The following KIAA0513 variants were observed in gnomAD, a reference collection of about 807,000 sequenced individuals.
The protein encoded by KIAA0513 is uncharacterized protein KIAA0513.
A neutral mutation model predicts 56.5 loss-of-function variants in KIAA0513; 39 were observed. That is an observed-to-expected ratio of 0.69 (90% CI 0.53 to 0.90). The LOEUF (loss-of-function observed/expected upper bound fraction) is 0.90, where lower values mean the gene tolerates loss of function less well. Ranked by LOEUF, KIAA0513 falls within the 40% of genes least tolerant of loss-of-function variation. The pLI, the probability that KIAA0513 is intolerant of heterozygous loss-of-function variation, is 0.00. For synonymous variants in KIAA0513, 268 were observed against 215.6 expected, an observed-to-expected ratio of 1.24 and a Z score of -2.13; for missense variants, 591 against 535.2, an observed-to-expected ratio of 1.10 and a Z score of -1.03.
chr16:85,067,261 C>G lies in KIAA0513; in HGVS notation c.190C>G (p.Pro64Ala). ...ENDMGESPSH[P>A]SWDQDRRSSS... ...TGACATGGGCGAGTCGCCCTCGCAC[C>G]CGTCCTGGGACCAAGACCGCCGTTC... The change falls in exon 2 of 13, where the codon CCG becomes GCG. Residue 64 changes from proline (P) to alanine (A), a missense_variant. Physicochemically the swap from Pro to Ala is conservative, Grantham distance 27. Coordinates refer to ENST00000683363, the MANE Select transcript of KIAA0513 (RefSeq NM_001388359.1). 1 of 1,614,060 alleles carries G rather than the reference C, an allele frequency of 6.2e-7. No individual in the cohort carries two copies. Among genetic ancestry groups the G allele is most frequent in the South Asian group, 1.1e-5 (1 of 91,084 alleles).
chr16:85,042,554 C>T (rs554802322), intron 1 of KIAA0513, among the ~76,000 whole-genome samples: 1 of 152,094 alleles, frequency 6.6e-6, no homozygotes, highest in Admixed American at 6.5e-5. Context: ...CCCTTTTAAG[C>T]CTTAAAGTTT....
At chr16:85,075,436 C>A (rs1486745700) in intron 4 of KIAA0513, among the ~76,000 whole-genome samples, 1 of 152,196 alleles carries the variant, frequency 6.6e-6, no homozygotes, top group Non-Finnish European at 1.5e-5. Flanking sequence ...AGCCTGAGAG[C>A]CAGGGATGCG....
At chr16:85,074,106 C>G (rs907563234) in intron 4 of KIAA0513, among the ~76,000 whole-genome samples, 3 of 152,028 alleles carry the variant, frequency 2.0e-5, no homozygotes, top group South Asian at 2.1e-4. Flanking sequence ...TCCTGAGTAG[C>G]TGGGATTACG....
chr16:85,077,641 G>C lies in KIAA0513; in HGVS notation c.782+9G>C. 6.3e-7 allele frequency: 1 copy of C among 1,594,282 alleles called. No homozygotes were observed. Among genetic ancestry groups the C allele is most frequent in the South Asian group, 1.1e-5 (1 of 88,860 alleles). On this transcript the variant is annotated intron_variant, in intron 6 of 12. Coordinates refer to ENST00000683363, the MANE Select transcript of KIAA0513 (RefSeq NM_001388359.1). ...CTGGCCAGGAGGAACGAGTACGTGTGGCCTTGGGGTCCCTCCCACCTGCAG... is the reference window on the plus strand; with the variant it reads ...CTGGCCAGGAGGAACGAGTACGTGTCGCCTTGGGGTCCCTCCCACCTGCAG...
chr16:85,049,517 A>C (rs1323460690), intron 1 of KIAA0513, among the ~76,000 whole-genome samples: 1 of 152,134 alleles, frequency 6.6e-6, no homozygotes, highest in African/African-American at 2.4e-5. Context: ...TGAATGGTTT[A>C]GTGCCATCCC....
At chr16:85,073,848 C>G (rs945477234) in intron 4 of KIAA0513, among the ~76,000 whole-genome samples, 1 of 152,250 alleles carries the variant, frequency 6.6e-6, no homozygotes, top group Non-Finnish European at 1.5e-5. Context: ...CCATCGCCAC[C>G]TTCTCACATC....
At chr16:85,075,755 T>G in intron 4 of KIAA0513, 89 bp from the exon 5 acceptor site, 1 of 1,073,774 alleles carries the variant, frequency 9.3e-7, no homozygotes, top group Non-Finnish European at 1.4e-6. Context: ...TTGGGACGCA[T>G]GTGTCAAGTG....
intron 2 of KIAA0513, 84 bp from the exon 3 acceptor site, chr16:85,071,699 C>A (rs918555797): frequency 7.9e-6 from 9 of 1,132,312 alleles, no homozygotes; most frequent in Non-Finnish European, 1.1e-5. Flanking sequence ...TCGTTAGTTC[C>A]TTCTCCTTGC....
At chr16:85,087,000 G>A in intron 11 of KIAA0513, 72 bp from the exon 12 acceptor site, 1 of 1,443,636 alleles carries the variant, frequency 6.9e-7, no homozygotes, top group Non-Finnish European at 9.7e-7. Flanking sequence ...GCGTCCCAGA[G>A]ACAAGGGCCC....
chr16:85,067,011 G>A lies in KIAA0513; in HGVS notation c.-61G>A. 3 of 1,438,562 alleles carry A rather than the reference G, an allele frequency of 2.1e-6. No homozygotes were observed. Among genetic ancestry groups the A allele is most frequent in the South Asian group, 2.7e-5 (2 of 73,158 alleles). The allele number at this position is 1,438,562 out of a possible 1,614,324, so 89.1% of individuals were successfully genotyped here. ...ACTAACGCACCTGGGACACCAGGCTGCTGGGCTCCCCTCTAGGCAGCCTCC... is the reference window on the plus strand; with the variant it reads ...ACTAACGCACCTGGGACACCAGGCTACTGGGCTCCCCTCTAGGCAGCCTCC... On this transcript the variant is annotated 5_prime_UTR_variant, in exon 2 of 13. Coordinates refer to ENST00000683363, the MANE Select transcript of KIAA0513 (RefSeq NM_001388359.1).
chr16:85,077,271 G>A, intron 5 of KIAA0513, 154 bp from the exon 6 acceptor site: 2 of 228,512 alleles, frequency 8.8e-6, no homozygotes, highest in Non-Finnish European at 1.4e-5. Flanking sequence ...TCCTGGGCCG[G>A]CTGAGCCTGC....
chr16:85,047,233 C>A (rs368244129), intron 1 of KIAA0513, among the ~76,000 whole-genome samples: 5 of 152,266 alleles, frequency 3.3e-5, no homozygotes, highest in African/African-American at 1.2e-4. Context: ...GGGCATGCTC[C>A]GTCCTAACCT....
At chr16:85,040,643 C>T (rs1280354336) in intron 1 of KIAA0513, among the ~76,000 whole-genome samples, 3 of 152,198 alleles carry the variant, frequency 2.0e-5, no homozygotes, top group African/African-American at 7.2e-5. Flanking sequence ...AGAGGTTCCA[C>T]GCAGGCCCCA....
At chr16:85,070,570 C>T (rs1217386490) in intron 2 of KIAA0513, among the ~76,000 whole-genome samples, 6 of 152,032 alleles carry the variant, frequency 3.9e-5, no homozygotes, top group Admixed American at 2.0e-4. Flanking sequence ...CCCTGCTACT[C>T]GGGAGGCTGA....
intron 1 of KIAA0513, among the ~76,000 whole-genome samples, chr16:85,040,080 C>T (rs1447339725): frequency 1.3e-5 from 2 of 151,912 alleles, no homozygotes; most frequent in Non-Finnish European, 2.9e-5. Flanking sequence ...GTGATCCGCC[C>T]GCCTCAGCCT....
chr16:85,030,438 C>A (rs1336260247), intron 1 of KIAA0513, among the ~76,000 whole-genome samples: 1 of 152,084 alleles, frequency 6.6e-6, no homozygotes, highest in African/African-American at 2.4e-5. Context: ...ATTATGGTGA[C>A]ACTTAAGAAA....
intron 1 of KIAA0513, among the ~76,000 whole-genome samples, chr16:85,038,456 C>T (rs1302597634): frequency 9.9e-5 from 15 of 152,062 alleles, no homozygotes; most frequent in African/African-American, 2.7e-4. Context: ...CCTGTAATCC[C>T]AGAAGTTTGG....
chr16:85,084,329 T>C (rs2073783161), intron 10 of KIAA0513, among the ~76,000 whole-genome samples: 1 of 151,358 alleles, frequency 6.6e-6, no homozygotes, highest in Non-Finnish European at 1.5e-5. Flanking sequence ...CACTGTAACC[T>C]CTGCCTCCCA....
chr16:85,056,776 T>C (rs565677503), intron 1 of KIAA0513, among the ~76,000 whole-genome samples: 5 of 152,340 alleles, frequency 3.3e-5, no homozygotes, highest in Admixed American at 1.3e-4. Flanking sequence ...CATAGCTTAC[T>C]GTAGCCTTGA....
Sources: allele counts gnomAD v4.1 joint callset (sites outside exome capture counted in the v4.1 genomes callset), GRCh38; gene constraint gnomAD v4.1.1; transcripts MANE v1.5; gene names NCBI Gene and HGNC (gene_info 2026-07-23, HGNC 2026-07-21).